PCDHGA12: variants seen among roughly 807,000 people sequenced by gnomAD.
The protein encoded by PCDHGA12 is protocadherin gamma subfamily A, 12, also known as protocadherin gamma-A12.
Under a neutral mutation model 61.1 loss-of-function variants are expected in PCDHGA12, and 43 were observed. The ratio of observed to expected loss-of-function variants is 0.70; its 90% confidence interval spans 0.55 to 0.91. The LOEUF is 0.91. Among genes scored for constraint, PCDHGA12 ranks in the 40% least tolerant of loss-of-function variants. PCDHGA12 has a pLI of 0.00. For missense variants in PCDHGA12, 1,236 were observed against 1,227.7 expected (o/e 1.01, Z -0.10); for synonymous variants, 520 against 542.9 (o/e 0.96, Z 0.59).
At chr5:141,507,931 G>A (rs1442781255) in intron 3 of PCDHGA12, 1 of 152,326 alleles carries the variant, frequency 6.6e-6, no homozygotes, top group African/African-American at 2.4e-5. Context: ...CTGCTGAGAG[G>A]GGTTAAGTAA....
intron 1 of PCDHGA12, among the ~76,000 whole-genome samples, chr5:141,447,725 C>T (rs1009407606): frequency 1.3e-5 from 2 of 152,174 alleles, no homozygotes; most frequent in African/African-American, 4.8e-5. Context: ...TTTTCCAAAA[C>T]TCATTGAACT....
chr5:141,490,338 C>A lies in PCDHGA12; in HGVS notation c.2425-4469C>A, dbSNP rs1408559629. Reference sequence around the variant, plus strand: ...CTGTCCTAGAGAGCACACCAGTGGGCACAGTAGTGGGGTTGTTTAATGTGC... The same window carrying A: ...CTGTCCTAGAGAGCACACCAGTGGGAACAGTAGTGGGGTTGTTTAATGTGC... On this transcript the variant is annotated intron_variant, in intron 1 of 3. Coordinates refer to ENST00000252085, the MANE Select transcript of PCDHGA12 (RefSeq NM_003735.3). This position sits in a 1 kb window ranked among gnomAD's most constrained non-coding sequence, Gnocchi z 5.4. 6.2e-7 allele frequency: 1 copy of A among 1,614,184 alleles called. No homozygotes were observed. The highest frequency in any genetic ancestry group is 1.7e-5 in the Admixed American group (1 of 60,032).
chr5:141,482,086 T>C (rs1435200188), intron 1 of PCDHGA12, among the ~76,000 whole-genome samples: 6 of 93,070 alleles, frequency 6.4e-5, no homozygotes, highest in African/African-American at 3.7e-4. Flanking sequence ...ACTCACTCCA[T>C]CTCAAAAAAA....
intron 1 of PCDHGA12, among the ~76,000 whole-genome samples, chr5:141,459,220 A>G (rs1234283814): frequency 6.6e-6 from 1 of 152,234 alleles, no homozygotes; most frequent in Non-Finnish European, 1.5e-5. Flanking sequence ...CTCCAGCTCC[A>G]GGCAACAACT....
Position 141,476,239 on chromosome 5 carries a change from A to T in PCDHGA12, c.2425-18568A>T. ...TTCACTATGAGATCCCGGAGGAAAG[A>T]GAGAAGGGTTTCGCTGTGGGCAACG... is the stretch of plus-strand genomic sequence containing the variant. On this transcript the variant is annotated intron_variant, in intron 1 of 3. Coordinates refer to ENST00000252085, the MANE Select transcript of PCDHGA12 (RefSeq NM_003735.3). This position sits in a 1 kb window ranked among gnomAD's most constrained non-coding sequence, Gnocchi z 7.6. 1 of 1,613,826 alleles carries T rather than the reference A, an allele frequency of 6.2e-7. No homozygotes were observed. Among genetic ancestry groups the T allele is most frequent in the Non-Finnish European group, 8.5e-7 (1 of 1,179,996 alleles).
At position 141,433,050 on chromosome 5, in the gene PCDHGA12, G is replaced by A; in HGVS notation, c.2291G>A (p.Arg764Gln). 1.2e-6 allele frequency: 2 copies of A among 1,614,142 alleles called. No homozygotes were observed. Among genetic ancestry groups the A allele is most frequent in the Non-Finnish European group, 1.7e-6 (2 of 1,180,020 alleles). Residue 764 changes from arginine (R) to glutamine (Q), a missense_variant, in exon 1 of 4, where the codon CGG (arginine) becomes CAG (glutamine). Coordinates refer to ENST00000252085, the MANE Select transcript of PCDHGA12 (RefSeq NM_003735.3). The part of the protein sequence containing the change: ...SHEVSLTTDS[R>Q]KSHLIFPQPN... The stretch of plus-strand genomic sequence containing the variant: ...GAGGTTTCCCTCACCACGGACTCGC[G>A]GAAGAGTCACCTGATCTTCCCCCAG...
At chr5:141,456,352 C>T (rs1253586137) in intron 1 of PCDHGA12, among the ~76,000 whole-genome samples, 1 of 152,050 alleles carries the variant, frequency 6.6e-6, no homozygotes, top group Non-Finnish European at 1.5e-5. Flanking sequence ...GGAAGAATGG[C>T]GTCCATGTGT....
chr5:141,477,814 G>C lies in PCDHGA12; in HGVS notation c.2425-16993G>C, dbSNP rs780195618. The C allele has an allele frequency of 1.2e-6, 2 of 1,614,110 alleles. No homozygotes were observed. The highest frequency in any genetic ancestry group is 1.1e-5 in the South Asian group (1 of 91,074). On this transcript the variant is annotated intron_variant, in intron 1 of 3. Coordinates refer to ENST00000252085, the MANE Select transcript of PCDHGA12 (RefSeq NM_003735.3). The surrounding 1 kb of genome is among the most constrained non-coding windows in gnomAD (Gnocchi z 4.9). ...CTGATCGCAATGACAATGCCCCCCA[G>C]GTCCTATATCCTCGGCCAGGTGGGA... is the stretch of plus-strand genomic sequence containing the variant.
chr5:141,431,127 T>C lies in PCDHGA12; in HGVS notation c.368T>C (p.Val123Ala), dbSNP rs1455709617. ...AAAATATATGGAGTAGAAGTAGAAG[T>C]AAGGGACATTAACGACAATGCGCCT... ...KVKIYGVEVE[V>A]RDINDNAPYF... Residue 123 changes from valine to alanine, a missense_variant, in exon 1 of 4, where the codon GTA (valine) becomes GCA (alanine). By Grantham distance (64) the Val-to-Ala change is moderately conservative. Transcript: ENST00000252085. This position sits in a 1 kb window ranked among gnomAD's most constrained non-coding sequence, Gnocchi z 4.8. 1 of 1,614,176 alleles carries C rather than the reference T, an allele frequency of 6.2e-7. No individual in the cohort carries two copies. Among genetic ancestry groups the C allele is most frequent in the East Asian group, 2.2e-5 (1 of 44,878 alleles).
Position 141,432,097 on chromosome 5 carries a change from C to G in PCDHGA12, c.1338C>G (p.Asn446Lys). ...TCTCGCTGAACGTGGCAGACACCAA[C>G]GACAACCCGCCGGTCTTCCCTCAGG... ...THISLNVADT[N>K]DNPPVFPQAS... Residue 446 changes from asparagine (N) to lysine (K), a missense_variant, in exon 1 of 4, where the codon AAC becomes AAG. Transcript: ENST00000252085. This position sits in a 1 kb window ranked among gnomAD's most constrained non-coding sequence, Gnocchi z 6.0. The G allele has an allele frequency of 6.2e-7, 1 of 1,614,184 alleles. No homozygotes were observed.
In PCDHGA12 at chr5:141,490,084, G is replaced by A. The variant is rs772917260; in HGVS notation, c.2425-4723G>A. The A allele has an allele frequency of 4.3e-6, 7 of 1,614,104 alleles. No individual in the cohort carries two copies. ...CAACGGCCAACTAGACTATTCTTTT[G>A]GAGACCACACATCTGAGGCAGTGCG... On this transcript the variant is annotated intron_variant, in intron 1 of 3. Transcript: ENST00000252085. The surrounding 1 kb of genome is among the most constrained non-coding windows in gnomAD (Gnocchi z 5.4).
At chr5:141,454,697 T>A (rs768850161) in intron 1 of PCDHGA12, among the ~76,000 whole-genome samples, 14 of 150,312 alleles carry the variant, frequency 9.3e-5, no homozygotes, top group African/African-American at 3.4e-4. Flanking sequence ...TGAGCCACCA[T>A]GCTCCACCTG....
At chr5:141,438,579 CAT>C (rs2097974137) in intron 1 of PCDHGA12, among the ~76,000 whole-genome samples, 1 of 55,780 alleles carries the variant, frequency 1.8e-5, no homozygotes, top group Admixed American at 2.8e-4. Context: ...GATATACATA[CAT>C]ACATACATAC....
chr5:141,457,417 CT>C lies in PCDHGA12; in HGVS notation c.2424+24239del, dbSNP rs894846890. On this transcript the variant is annotated intron_variant, in intron 1 of 3. Transcript: ENST00000252085. ...ATTCACATTTTCACATTACCCATCC[CT>C]TTTTCCCCCCCACCAAGCTGCAGAA... Among the ~76,000 whole-genome samples, 3 of 152,296 alleles carry C rather than the reference CT, an allele frequency of 2.0e-5. No individual in the cohort carries two copies. In the South Asian group the frequency reaches 6.2e-4, roughly 32 times the overall value.
At chr5:141,500,562 T>A (rs2099801387) in intron 2 of PCDHGA12, among the ~76,000 whole-genome samples, 1 of 152,202 alleles carries the variant, frequency 6.6e-6, no homozygotes, top group Admixed American at 6.5e-5. Flanking sequence ...CACAAACTTG[T>A]CACACTTTCA....
In PCDHGA12 at chr5:141,456,564, A is replaced by G. The variant is rs1174191537; in HGVS notation, c.2424+23381A>G. ...TTGTAGCCACTCGGGGCTGAAGCCC[A>G]CATTTTCCCTGAGCCTGTCAATAAT... On this transcript the variant is annotated intron_variant, in intron 1 of 3. Coordinates refer to ENST00000252085, the MANE Select transcript of PCDHGA12 (RefSeq NM_003735.3). Among the ~76,000 whole-genome samples the G allele has an allele frequency of 2.6e-5, 4 of 152,338 alleles. No individual in the cohort carries two copies. The South Asian group carries it at 6.2e-4, about 24-fold the overall frequency.
rs780395794 is a variant in PCDHGA12, at chr5:141,489,685, G to A, written c.2425-5122G>A. ...GCGCATCTCAGAATCAGCAGCATCT[G>A]GGGCACGATTCCCACTGGACAGTGC... On this transcript the variant is annotated intron_variant, in intron 1 of 3. Coordinates refer to ENST00000252085, the MANE Select transcript of PCDHGA12 (RefSeq NM_003735.3). The surrounding 1 kb of genome is among the most constrained non-coding windows in gnomAD (Gnocchi z 4.5). 10 of 1,614,142 alleles carry A rather than the reference G, an allele frequency of 6.2e-6. No individual in the cohort carries two copies. The South Asian group carries it at 1.1e-4, about 18-fold the overall frequency.
chr5:141,487,451 A>G lies in PCDHGA12; in HGVS notation c.2425-7356A>G. 6.2e-7 allele frequency: 1 copy of G among 1,614,122 alleles called. No homozygotes were observed. Among genetic ancestry groups the G allele is most frequent in the Non-Finnish European group, 8.5e-7 (1 of 1,180,006 alleles). On this transcript the variant is annotated intron_variant, in intron 1 of 3. Transcript: ENST00000252085. This position sits in a 1 kb window ranked among gnomAD's most constrained non-coding sequence, Gnocchi z 5.0. ...AATCCAGCTAGGGTCAGATGACCCT[A>G]TCAAGTTTGTTGATGTGGGAGGCCA...
intron 3 of PCDHGA12, among the ~76,000 whole-genome samples, chr5:141,505,999 G>A (rs891447053): frequency 1.3e-5 from 2 of 152,172 alleles, no homozygotes; most frequent in African/African-American, 4.8e-5. Flanking sequence ...TTTATGCGAG[G>A]CTCCTCTTTT....
Sources: gnomAD v4.1 joint callset for allele counts (sites outside exome capture counted in the v4.1 genomes callset) on GRCh38, gnomAD v4.1.1 for gene constraint, Gnocchi (gnomAD v3.1) non-coding constraint, MANE v1.5 for transcripts, NCBI Gene and HGNC (gene_info 2026-07-23, HGNC 2026-07-21) for gene names.